The following RGS17 variants were observed in gnomAD, a reference collection of about 807,000 sequenced individuals.
RGS17 encodes regulator of G protein signaling 17, also known as regulator of G-protein signaling 17.
A neutral mutation model predicts 25.5 loss-of-function variants in RGS17; 12 were observed. The ratio of observed to expected loss-of-function variants is 0.47; its 90% CI spans 0.30 to 0.76. The LOEUF (loss-of-function observed/expected upper bound fraction) is 0.76, where lower values mean the gene tolerates loss of function less well. RGS17 is among the 30% of genes least tolerant of loss of function. The probability of loss-of-function intolerance (pLI) is 0.07; values close to 1 mark genes in which losing one functional copy is unlikely to be tolerated. For synonymous variants in RGS17, 71 were observed against 76.9 expected, an observed-to-expected ratio of 0.92 and a Z score of 0.40; for missense variants, 196 against 242.2, an observed-to-expected ratio of 0.81 and a Z score of 1.27.
intron 1 of RGS17, among the ~76,000 whole-genome samples, chr6:153,128,857 C>T (rs1016620394): frequency 2.0e-5 from 3 of 152,124 alleles, no homozygotes; most frequent in Admixed American, 1.3e-4. Flanking sequence ...ATGCTGTTTG[C>T]CTTAGAATGA....
In RGS17 at chr6:153,051,119, GTC is replaced by G. The variant is rs370327316; in HGVS notation, c.-25-7078_-25-7077del. On this transcript the variant is annotated intron_variant, in intron 1 of 4. Transcript: ENST00000206262. ...GCCCCCAGAACTGTGAGAAATAAATGTCTGTTATTGATAAGCCACCCTACATA... is the reference window on the plus strand; with the variant it reads ...GCCCCCAGAACTGTGAGAAATAAATGTGTTATTGATAAGCCACCCTACATA... 3.0e-4 allele frequency among the ~76,000 whole-genome samples: 45 copies of G among 152,310 alleles called. No homozygotes were observed. The East Asian group carries it at 8.3e-3, about 28-fold the overall frequency.
At chr6:153,068,952 A>G (rs550137554) in intron 1 of RGS17, among the ~76,000 whole-genome samples, 95 of 152,298 alleles carry the variant, frequency 6.2e-4, no homozygotes, top group African/African-American at 2.2e-3. Flanking sequence ...GACAGGCCAT[A>G]ACAAATGCTG....
At chr6:153,106,374 C>T (rs2129124311) in intron 1 of RGS17, among the ~76,000 whole-genome samples, 1 of 151,824 alleles carries the variant, frequency 6.6e-6, no homozygotes, top group South Asian at 2.1e-4. Context: ...AGGCTGAAAA[C>T]AGCTGAGGAA....
At chr6:153,117,364 AG>A (rs1777560472) in intron 1 of RGS17, among the ~76,000 whole-genome samples, 2 of 152,184 alleles carry the variant, frequency 1.3e-5, no homozygotes, top group Non-Finnish European at 2.9e-5. Flanking sequence ...AGCACCCACC[AG>A]GTCTCTCCCT....
At position 153,005,625 on chromosome 6, in the gene RGS17, T is replaced by C. The variant is rs1178421865; in HGVS notation, c.*5949A>G. 2 of 152,194 alleles carry C rather than the reference T, an allele frequency of 1.3e-5. No individual in the cohort carries two copies. Among genetic ancestry groups the C allele is most frequent in the Non-Finnish European group, 2.9e-5 (2 of 68,048 alleles). The allele number at this position is 152,194 out of a possible 1,614,324, so 9.4% of individuals were successfully genotyped here. On this transcript the variant is annotated 3_prime_UTR_variant, in exon 5 of 5. Coordinates refer to ENST00000206262, the MANE Select transcript of RGS17 (RefSeq NM_012419.5). The stretch of plus-strand genomic sequence containing the variant: ...ATGTGATGAGCATGGCACTTTACCG[T>C]TGTGTTCTTTCAAAAACCAAAAACC...
At chr6:153,107,150 T>C (rs1166219905) in intron 1 of RGS17, among the ~76,000 whole-genome samples, 1 of 151,198 alleles carries the variant, frequency 6.6e-6, no homozygotes, top group Non-Finnish European at 1.5e-5. Flanking sequence ...CTGGTCAACA[T>C]GGTGAAACCC....
At chr6:153,062,919 A>T (rs557334570) in intron 1 of RGS17, among the ~76,000 whole-genome samples, 1 of 152,168 alleles carries the variant, frequency 6.6e-6, no homozygotes, top group African/African-American at 2.4e-5. Context: ...CTTGAAGGGA[A>T]GCACCCAGTC....
intron 1 of RGS17, among the ~76,000 whole-genome samples, chr6:153,099,201 C>T (rs1029437225): frequency 6.6e-6 from 1 of 152,200 alleles, no homozygotes; most frequent in Non-Finnish European, 1.5e-5. Flanking sequence ...TCACTCTGCA[C>T]ATACTTTTAA....
intron 1 of RGS17, among the ~76,000 whole-genome samples, chr6:153,124,865 G>T (rs2129127485): frequency 6.6e-6 from 1 of 152,248 alleles, no homozygotes; most frequent in East Asian, 1.9e-4. Flanking sequence ...TAGGGTAATA[G>T]GACGTGGACA....
intron 1 of RGS17, among the ~76,000 whole-genome samples, chr6:153,078,476 CTT>C (rs1469600325): frequency 6.6e-6 from 1 of 151,812 alleles, no homozygotes; most frequent in East Asian, 1.9e-4. Flanking sequence ...GAGTTTAGGT[CTT>C]GCACATTTTT....
chr6:153,112,511 C>G (rs1286575571), intron 1 of RGS17, among the ~76,000 whole-genome samples: 1 of 152,162 alleles, frequency 6.6e-6, no homozygotes, highest in East Asian at 1.9e-4. Context: ...AGGATATTAT[C>G]CAGGAGAACT....
At chr6:153,073,936 T>C (rs1487176397) in intron 1 of RGS17, among the ~76,000 whole-genome samples, 2 of 152,142 alleles carry the variant, frequency 1.3e-5, no homozygotes, top group Non-Finnish European at 2.9e-5. Flanking sequence ...TACTGATTGC[T>C]TGATGATAAA....
In RGS17 at chr6:153,108,179, T is replaced by C. The variant is rs560464899; in HGVS notation, c.-26+22945A>G. Among the ~76,000 whole-genome samples, 221 of 152,230 alleles carry C rather than the reference T, an allele frequency of 1.5e-3. 1 individual carries two copies. Among genetic ancestry groups the C allele is most frequent in the Non-Finnish European group, 2.2e-3 (150 of 68,044 alleles). ...TCATTCCCATTCTGGCTGAGCACAT[T>C]ATACAGCCTCCGTACATAATTTTCC... On this transcript the variant is annotated intron_variant, in intron 1 of 4. Transcript: ENST00000206262.
rs1192858110 is a variant in RGS17 at position 153,008,049 on chromosome 6, ATAAGT to A, written c.*3520_*3524del. On this transcript the variant is annotated 3_prime_UTR_variant, in exon 5 of 5. Transcript: ENST00000206262. ...TACAATATGATTTTTTAAAGTATAA[ATAAGT>A]TAAAGGTATAGAAAAATGGATAAAC... The A allele has an allele frequency of 4.6e-5, 7 of 152,214 alleles. No individual in the cohort carries two copies. The highest frequency in any genetic ancestry group is 1.2e-4 in the African/African-American group (5 of 41,458). The allele number at this position is 152,214 out of a possible 1,614,324, so 9.4% of individuals were successfully genotyped here.
At position 153,011,194 on chromosome 6, in the gene RGS17, T is replaced by A. The variant is rs1035681050; in HGVS notation, c.*380A>T. The A allele has an allele frequency of 3.0e-5, 5 of 164,800 alleles. No individual in the cohort carries two copies. The highest frequency in any genetic ancestry group is 1.2e-4 in the African/African-American group (5 of 41,684). 10.2% of individuals were successfully genotyped at this position (164,800 alleles called of 1,614,324 possible). A position where few individuals can be genotyped will look rare whatever the true frequency, so the allele number is the denominator to read the frequency against. ...TTAAGACCATATTGCACAAAAGTCC[T>A]TAAATACAGATATAAGTTATGCTAC... On this transcript the variant is annotated 3_prime_UTR_variant, in exon 5 of 5. Transcript: ENST00000206262.
intron 4 of RGS17, among the ~76,000 whole-genome samples, chr6:153,022,555 C>T (rs1394608345): frequency 1.3e-5 from 2 of 152,106 alleles, no homozygotes; most frequent in Non-Finnish European, 2.9e-5. Flanking sequence ...ATCTAGACAA[C>T]TATCACTTTA....
chr6:153,094,931 T>C (rs1189910720), intron 1 of RGS17, among the ~76,000 whole-genome samples: 1 of 152,106 alleles, frequency 6.6e-6, no homozygotes, highest in Non-Finnish European at 1.5e-5. Flanking sequence ...CACAATATAA[T>C]TGTGAATTGA....
intron 2 of RGS17, among the ~76,000 whole-genome samples, chr6:153,028,877 C>T (rs954164014): frequency 2.6e-5 from 4 of 152,096 alleles, no homozygotes; most frequent in Non-Finnish European, 4.4e-5. Context: ...GTACACATGA[C>T]GCAGGTATAC....
At chr6:153,014,104 A>C (rs1779159559) in intron 4 of RGS17, among the ~76,000 whole-genome samples, 1 of 152,202 alleles carries the variant, frequency 6.6e-6, no homozygotes, top group African/African-American at 2.4e-5. Flanking sequence ...TCAAAGATTC[A>C]AGGACAGGCT....
Sources: gnomAD v4.1 joint callset for allele counts (sites outside exome capture counted in the v4.1 genomes callset) on GRCh38, gnomAD v4.1.1 for gene constraint, MANE v1.5 for transcripts, NCBI Gene and HGNC (gene_info 2026-07-23, HGNC 2026-07-21) for gene names.